The following ZNF532 variants were observed in gnomAD, a reference collection of about 807,000 sequenced individuals.
ZNF532 encodes the protein zinc finger protein 532.
A neutral mutation model predicts 89.3 loss-of-function variants in ZNF532; 22 were observed. The observed-to-expected ratio is 0.25, with a 90% CI of 0.18 to 0.35. ZNF532 has a LOEUF of 0.35. ZNF532 is among the 10% of genes least tolerant of loss of function. The pLI, the probability that ZNF532 is intolerant of heterozygous loss-of-function variation, is 1.00. For missense variants in ZNF532, 1,132 were observed against 1,643.4 expected (o/e 0.69, Z 5.38); for synonymous variants, 606 against 649.6 (o/e 0.93, Z 1.02).
chr18:58,868,823 G>A (rs529113945), intron 2 of ZNF532, among the ~76,000 whole-genome samples: 10 of 152,136 alleles, frequency 6.6e-5, no homozygotes, highest in Admixed American at 3.9e-4. Context: ...TAATGCAGGG[G>A]TACATTCTGA....
At chr18:58,970,658 C>T (rs1210150028) in intron 7 of ZNF532, among the ~76,000 whole-genome samples, 3 of 152,196 alleles carry the variant, frequency 2.0e-5, no homozygotes, top group African/African-American at 2.4e-5. Context: ...TTTATTTTGT[C>T]GGCTTTCTAA....
chr18:58,970,407 G>C (rs1217163057), intron 7 of ZNF532, among the ~76,000 whole-genome samples: 1 of 152,202 alleles, frequency 6.6e-6, no homozygotes, highest in Non-Finnish European at 1.5e-5. Context: ...CCCATCTGTA[G>C]ATGGACATCT....
chr18:58,959,527 T>C (rs2065146601), intron 7 of ZNF532, among the ~76,000 whole-genome samples: 1 of 152,076 alleles, frequency 6.6e-6, no homozygotes, highest in African/African-American at 2.4e-5. Context: ...GCTGGGATTA[T>C]AGGCATGAGC....
At chr18:58,864,812 G>A (rs2056304172), upstream of ZNF532, 2 of 152,262 alleles carry the variant, frequency 1.3e-5, no homozygotes, top group South Asian at 4.1e-4. Flanking sequence ...AGGGTGACCA[G>A]AACCGGCTGA....
At chr18:58,889,893 C>T (rs2058759859) in intron 2 of ZNF532, among the ~76,000 whole-genome samples, 1 of 152,038 alleles carries the variant, frequency 6.6e-6, no homozygotes, top group South Asian at 2.1e-4. Flanking sequence ...ACCAACCTGG[C>T]CAACATGGTG....
Position 58,888,824 on chromosome 18 carries a change from T to A in ZNF532, c.-18+23245T>A, listed in dbSNP as rs1452705136. Among the ~76,000 whole-genome samples the A allele has an allele frequency of 1.7e-4, 9 of 52,048 alleles. 1 individual carries two copies. Among genetic ancestry groups the A allele is most frequent in the African/African-American group, 8.6e-4 (7 of 8,134 alleles). 34.1% of individuals were successfully genotyped at this position (52,048 alleles called of 152,430 possible). ...TTATATATATAAAAAATTATATATA[T>A]AAATTATATATATAATTTATATATA... On this transcript the variant is annotated intron_variant, in intron 2 of 9. Coordinates refer to ENST00000591808, the MANE Select transcript of ZNF532 (RefSeq NM_001375912.1).
At chr18:58,978,815 T>G (rs2067360672) in intron 7 of ZNF532, among the ~76,000 whole-genome samples, 1 of 152,214 alleles carries the variant, frequency 6.6e-6, no homozygotes, top group African/African-American at 2.4e-5. Context: ...ATACCTTATA[T>G]GGATAGCTTG....
At chr18:58,978,690 T>C (rs767871776) in intron 7 of ZNF532, among the ~76,000 whole-genome samples, 90 of 152,344 alleles carry the variant, frequency 5.9e-4, no homozygotes, top group Middle Eastern at 6.8e-3. Context: ...ATCCCTGAGC[T>C]GAAAGTTTGG....
chr18:58,922,664 G>T (rs943893754), intron 3 of ZNF532, among the ~76,000 whole-genome samples: 2 of 152,128 alleles, frequency 1.3e-5, no homozygotes, highest in African/African-American at 4.8e-5. Context: ...TAAAAAAGGG[G>T]AAAAAGCCAA....
intron 5 of ZNF532, among the ~76,000 whole-genome samples, chr18:58,947,326 T>C (rs1424454023): frequency 6.6e-6 from 1 of 151,784 alleles, no homozygotes; most frequent in Non-Finnish European, 1.5e-5. Flanking sequence ...CAGTAGAGAG[T>C]GTGGATGGGC....
intron 2 of ZNF532, among the ~76,000 whole-genome samples, chr18:58,888,727 A>ATT (rs1160506169): frequency 3.2e-4 from 3 of 9,250 alleles, no homozygotes; most frequent in African/African-American, 2.1e-3. Flanking sequence ...ATATATATAA[A>ATT]TTATATATAT....
chr18:58,921,086 C>T (rs1252357195), intron 3 of ZNF532, among the ~76,000 whole-genome samples: 2 of 151,138 alleles, frequency 1.3e-5, no homozygotes, highest in Non-Finnish European at 2.9e-5. Flanking sequence ...GAGATCATAT[C>T]TCTTTAAAAA....
chr18:58,866,893 A>G (rs1011395887), intron 2 of ZNF532, among the ~76,000 whole-genome samples: 17 of 152,268 alleles, frequency 1.1e-4, no homozygotes, highest in African/African-American at 4.1e-4. Context: ...ATATACCAGT[A>G]AATAGCTTAC....
chr18:58,885,792 T>G (rs7244448), intron 2 of ZNF532, among the ~76,000 whole-genome samples: 27,516 of 150,764 alleles, frequency 0.18, 4,380 homozygotes, highest in East Asian at 0.58. Flanking sequence ...AGGCGGAGGT[T>G]GCAGTGAGCC....
At chr18:58,890,331 G>A (rs980672531) in intron 2 of ZNF532, among the ~76,000 whole-genome samples, 1 of 151,676 alleles carries the variant, frequency 6.6e-6, no homozygotes, top group African/African-American at 2.4e-5. Flanking sequence ...ACCCTGGTTA[G>A]TACTTAACTG....
At chr18:58,873,282 A>G (rs900166299) in intron 2 of ZNF532, among the ~76,000 whole-genome samples, 7 of 152,124 alleles carry the variant, frequency 4.6e-5, no homozygotes, top group Admixed American at 1.3e-4. Context: ...TTGACCTCCC[A>G]AAGTGCTGAG....
At chr18:58,906,631 G>A (rs867990472) in intron 2 of ZNF532, among the ~76,000 whole-genome samples, 1 of 152,158 alleles carries the variant, frequency 6.6e-6, no homozygotes, top group East Asian at 1.9e-4. Flanking sequence ...CACCTGCACC[G>A]GTGCTGGGTT....
At chr18:58,909,716 C>T (rs1454650189) in intron 2 of ZNF532, among the ~76,000 whole-genome samples, 1 of 152,090 alleles carries the variant, frequency 6.6e-6, no homozygotes, top group East Asian at 1.9e-4. Context: ...GGGAATGGAT[C>T]GTTGCTGGAG....
chr18:58,920,791 T>TGTGTGTGTGTG (rs2061002819), intron 3 of ZNF532, among the ~76,000 whole-genome samples, 158 bp downstream of exon 3: 1 of 54,776 alleles, frequency 1.8e-5, no homozygotes, highest in African/African-American at 7.4e-5. Flanking sequence ...TGTGTGTGTG[T>TGTGTGTGTGTG]TTGGGGAGGG....
Sources: allele counts gnomAD v4.1 joint callset (sites outside exome capture counted in the v4.1 genomes callset), GRCh38; gene constraint gnomAD v4.1.1; transcripts MANE v1.5; gene names NCBI Gene and HGNC (gene_info 2026-07-23, HGNC 2026-07-21).